SNX11: variants seen among roughly 807,000 people sequenced by gnomAD.
SNX11 encodes the protein sorting nexin-11.
SNX11 carries 19 observed loss-of-function variants against 30.7 expected under a neutral mutation model. The observed-to-expected ratio is 0.62, with a 90% CI of 0.43 to 0.91. SNX11 has a LOEUF of 0.91. Among genes scored for constraint, SNX11 ranks in the 40% least tolerant of loss-of-function variants. SNX11 has a pLI of 0.00. For synonymous variants in SNX11, 112 were observed against 119.0 expected (o/e 0.94, Z 0.38); for missense variants, 302 against 326.7 (o/e 0.92, Z 0.58).
chr17:48,119,239 C>T, intron 6 of SNX11, 53 bp downstream of exon 6: 2 of 1,338,264 alleles, frequency 1.5e-6, no homozygotes, highest in Non-Finnish European at 1.1e-6. Flanking sequence ...ATAACCTGGA[C>T]CAGAGAGGTG....
rs2063512187 is a variant in SNX11, at chr17:48,113,547, G to C, written c.230+146G>C. 4 of 580,598 alleles carry C rather than the reference G, an allele frequency of 6.9e-6. No homozygotes were observed. The South Asian group carries it at 7.8e-5, about 11-fold the overall frequency. The allele number at this position is 580,598 out of a possible 1,614,324, so 36.0% of individuals were successfully genotyped here. On this transcript the variant is annotated intron_variant, in intron 4 of 6. Transcript: ENST00000359238. The stretch of plus-strand genomic sequence containing the variant: ...ATGTTGTTTCTTTTTTTGTTTTTTG[G>C]GTTTTTTTTTTTTTTTGATGTAGGG...
Position 48,121,382 on chromosome 17 carries a change from A to C in SNX11, c.687A>C (p.Pro229=), listed in dbSNP as rs1262104544. The change falls in exon 7 of 7, where the codon CCA becomes CCC. Residue 229 remains proline (P), a synonymous_variant. Transcript: ENST00000359238. ...ESPTLPPLSS[P]LCCDFGRPKE... ...CCACTCTCCCACCCCTCTCCTCACC[A>C]TTATGCTGTGATTTTGGAAGACCCA... The C allele has an allele frequency of 6.2e-7, 1 of 1,613,858 alleles. No individual in the cohort carries two copies. The highest frequency in any genetic ancestry group is 1.3e-5 in the African/African-American group (1 of 74,828).
chr17:48,113,281 TC>T lies in SNX11; in HGVS notation c.130-19del. On this transcript the variant is annotated intron_variant, in intron 3 of 6. Transcript: ENST00000359238. ...TTCCACTAAACCCTTTTCATGTACT[TC>T]ATGTGCTTTCATGTATAGACCAACA... The T allele has an allele frequency of 6.3e-7, 1 of 1,595,672 alleles. No individual in the cohort carries two copies. The highest frequency in any genetic ancestry group is 8.6e-7 in the Non-Finnish European group (1 of 1,163,806).
In SNX11 at chr17:48,121,662, A is replaced by G. The variant is rs2063604082; in HGVS notation, c.*154A>G. Reference sequence around the variant, plus strand: ...CTGATTGACAGAGGTCAGTCATTACAGCCCCTTATGCCTCTTCCATGGGAA... The same window carrying G: ...CTGATTGACAGAGGTCAGTCATTACGGCCCCTTATGCCTCTTCCATGGGAA... On this transcript the variant is annotated 3_prime_UTR_variant, in exon 7 of 7. Coordinates refer to ENST00000359238, the MANE Select transcript of SNX11 (RefSeq NM_013323.3). 2 of 708,998 alleles carry G rather than the reference A, an allele frequency of 2.8e-6. No homozygotes were observed. Among genetic ancestry groups the G allele is most frequent in the Non-Finnish European group, 4.7e-6 (2 of 423,368 alleles). The allele number at this position is 708,998 out of a possible 1,614,324, so 43.9% of individuals were successfully genotyped here. A position where few individuals can be genotyped will look rare whatever the true frequency, so the allele number is the denominator to read the frequency against.
In SNX11 at chr17:48,118,979, T is replaced by C. The variant is rs773942002; in HGVS notation, c.332T>C (p.Leu111Pro). The change falls in exon 6 of 7, where the codon CTG becomes CCG. Residue 111 changes from leucine to proline, a missense_variant. Coordinates refer to ENST00000359238, the MANE Select transcript of SNX11 (RefSeq NM_013323.3). ...QGLQHFLEKVLQSVVLLSDSQ... is the reference protein window; with the variant it reads ...QGLQHFLEKVPQSVVLLSDSQ... The stretch of plus-strand genomic sequence containing the variant: ...GCTACCTGTGTTTTTCCCAGGGTCC[T>C]GCAGAGTGTGGTTCTCCTGTCAGAC... 6.2e-7 allele frequency: 1 copy of C among 1,613,986 alleles called. No homozygotes were observed. The highest frequency in any genetic ancestry group is 8.5e-7 in the Non-Finnish European group (1 of 1,179,978).
intron 1 of SNX11, chr17:48,111,258 G>A (rs1244157935): frequency 6.7e-6 from 2 of 297,050 alleles, no homozygotes; most frequent in Admixed American, 1.3e-4. Context: ...TTGACTGGTT[G>A]TTAGTGAGAC....
At chr17:48,118,101 A>T (rs538351547) in intron 4 of SNX11, among the ~76,000 whole-genome samples, 2 of 152,300 alleles carry the variant, frequency 1.3e-5, no homozygotes, top group South Asian at 4.1e-4. Flanking sequence ...TCTGGTTCTG[A>T]TATGAGCTTT....
intron 1 of SNX11, among the ~76,000 whole-genome samples, chr17:48,109,612 C>G (rs2063470938): frequency 6.9e-6 from 1 of 144,202 alleles, no homozygotes; most frequent in African/African-American, 2.6e-5. Context: ...GAGTCTTGCA[C>G]TGTCGCCTGG....
At chr17:48,119,512 C>G (rs1221974251) in intron 6 of SNX11, among the ~76,000 whole-genome samples, 1 of 152,116 alleles carries the variant, frequency 6.6e-6, no homozygotes, top group Non-Finnish European at 1.5e-5. Context: ...AGTGCAGTGG[C>G]GTGATCTCGG....
rs946169508 is a variant in SNX11 at position 48,121,589 on chromosome 17, A to G, written c.*81A>G. 22 of 1,489,546 alleles carry G rather than the reference A, an allele frequency of 1.5e-5. No individual in the cohort carries two copies. The East Asian group carries it at 4.8e-4, about 32-fold the overall frequency. The allele number at this position is 1,489,546 out of a possible 1,614,324, so 92.3% of individuals were successfully genotyped here. ...AGGTGGGACTGGGCACAGGGCAGGT[A>G]TGTGGGAGGCTGGGCTGCTTAGTGT... On this transcript the variant is annotated 3_prime_UTR_variant, in exon 7 of 7. Transcript: ENST00000359238.
chr17:48,110,087 C>T (rs951695708), intron 1 of SNX11, among the ~76,000 whole-genome samples: 14 of 152,114 alleles, frequency 9.2e-5, no homozygotes, highest in Non-Finnish European at 1.8e-4. Context: ...ACTCTCTGCT[C>T]CTGTGCTGGC....
chr17:48,112,455 A>AAATGAAAGTTGGTGTTGAGTG (rs1295895897), intron 2 of SNX11, 119 bp from the exon 3 acceptor site: 3 of 710,950 alleles, frequency 4.2e-6, no homozygotes, highest in Admixed American at 4.6e-5. Context: ...TGAATTGAAT[A>AAATGAAAGTTGGTGTTGAGTG]AATGAAAGTT....
chr17:48,116,623 A>G (rs142830296), intron 4 of SNX11, among the ~76,000 whole-genome samples: 1,709 of 147,302 alleles, frequency 0.012, 36 homozygotes, highest in African/African-American at 0.041. Flanking sequence ...CACCCAGGCT[A>G]GAGTGTAGTG....
chr17:48,113,205 C>A (rs2063507888), intron 3 of SNX11, 96 bp from the exon 4 acceptor site: 6 of 1,020,094 alleles, frequency 5.9e-6, no homozygotes, highest in Non-Finnish European at 9.2e-6. Flanking sequence ...GGCCTGATGG[C>A]ATGGCTCCTC....
In SNX11 at chr17:48,110,399, G is replaced by A. The variant is rs1040517893; in HGVS notation, c.-13-1632G>A. On this transcript the variant is annotated intron_variant, in intron 1 of 6. Coordinates refer to ENST00000359238, the MANE Select transcript of SNX11 (RefSeq NM_013323.3). ...ATTTTGTCATGGACCATGCAGCTTC[G>A]TTTCTGCATGCAGTGTTTGTCTGTG... Among the ~76,000 whole-genome samples, 11 of 152,272 alleles carry A rather than the reference G, an allele frequency of 7.2e-5. 1 individual carries two copies. The South Asian group carries it at 2.1e-3, about 29-fold the overall frequency.
chr17:48,120,123 AT>A (rs1317658075), intron 6 of SNX11, among the ~76,000 whole-genome samples: 1 of 142,452 alleles, frequency 7.0e-6, no homozygotes, highest in African/African-American at 2.6e-5. Context: ...TTTTTCCCCC[AT>A]TTTTATGGCT....
At chr17:48,120,201 G>GTTT (rs61680588) in intron 6 of SNX11, among the ~76,000 whole-genome samples, 14 of 74,238 alleles carry the variant, frequency 1.9e-4, no homozygotes, top group African/African-American at 2.3e-4. Flanking sequence ...GCATTTATCT[G>GTTT]TTTTTTTTTT....
At chr17:48,120,510 T>TG (rs2063588267) in intron 6 of SNX11, among the ~76,000 whole-genome samples, 1 of 131,522 alleles carries the variant, frequency 7.6e-6, no homozygotes, top group Non-Finnish European at 1.6e-5. Flanking sequence ...ACCTGGCCTT[T>TG]TTTTTTTTTT....
chr17:48,109,770 G>T (rs2063472944), intron 1 of SNX11, among the ~76,000 whole-genome samples: 1 of 152,090 alleles, frequency 6.6e-6, no homozygotes, highest in Admixed American at 6.6e-5. Context: ...TAGAGACGGA[G>T]TTTCATTACG....
Sources: allele counts gnomAD v4.1 joint callset (sites outside exome capture counted in the v4.1 genomes callset), GRCh38; gene constraint gnomAD v4.1.1; transcripts MANE v1.5; gene names NCBI Gene and HGNC (gene_info 2026-07-23, HGNC 2026-07-21).